NBEA: variants seen among roughly 807,000 people sequenced by gnomAD.
NBEA encodes lysosomal-trafficking regulator 2.
In NBEA, 44 loss-of-function variants were observed where a neutral mutation model predicts 343.4. The ratio of observed to expected loss-of-function variants is 0.13; its 90% CI spans 0.10 to 0.16. The LOEUF is 0.16. Ranked by LOEUF, NBEA falls within the 10% of genes least tolerant of loss-of-function variation. The pLI, the probability that NBEA is intolerant of heterozygous loss-of-function variation, is 1.00. For missense variants in NBEA, 2,555 were observed against 3,631.3 expected, an observed-to-expected ratio of 0.70 and a Z score of 7.62; for synonymous variants, 1,175 against 1,238.7, an observed-to-expected ratio of 0.95 and a Z score of 1.08.
intron 38 of NBEA, among the ~76,000 whole-genome samples, chr13:35,423,582 G>A (rs1321518831): frequency 2.0e-5 from 3 of 152,102 alleles, no homozygotes; most frequent in East Asian, 1.9e-4. Flanking sequence ...GTCAGGTAGC[G>A]TGATGCCTCC....
At chr13:35,390,545 G>C (rs1008373250) in intron 38 of NBEA, among the ~76,000 whole-genome samples, 1 of 152,154 alleles carries the variant, frequency 6.6e-6, no homozygotes, top group Non-Finnish European at 1.5e-5. Flanking sequence ...TCTGTCAGAG[G>C]TGTCAGGGCT....
At chr13:35,336,303 A>ACACAC (rs2039255091) in intron 36 of NBEA, among the ~76,000 whole-genome samples, 10 of 152,258 alleles carry the variant, frequency 6.6e-5, no homozygotes, top group African/African-American at 2.4e-4. Flanking sequence ...CACACACAGC[A>ACACAC]AAAAACCAAA....
rs561557907 is a variant in NBEA, at chr13:35,441,117, A to G, written c.6304+8724A>G. Among the ~76,000 whole-genome samples, 158 of 152,180 alleles carry G rather than the reference A, an allele frequency of 1.0e-3. 1 individual carries two copies. The highest frequency in any genetic ancestry group is 3.7e-3 in the African/African-American group (154 of 41,520). On this transcript the variant is annotated intron_variant, in intron 39 of 58. Transcript: ENST00000379939. ...ACTTTTAAAATTTTCTCTTCCTTCC[A>G]TGTCTCTGGGCCAATTGTTTGCCTG...
At chr13:35,472,264 A>G in intron 40 of NBEA, 136 bp from the exon 41 acceptor site, 1 of 851,496 alleles carries the variant, frequency 1.2e-6, no homozygotes, top group Non-Finnish European at 1.7e-6. Context: ...CTTACGTGAA[A>G]AAAGAGTTTG....
At chr13:34,981,959 C>G (rs1400651084) in intron 1 of NBEA, among the ~76,000 whole-genome samples, 3 of 151,354 alleles carry the variant, frequency 2.0e-5, no homozygotes, top group Non-Finnish European at 4.4e-5. Context: ...TCTCTTCTCT[C>G]TCTCTCTCTC....
At chr13:34,948,220 T>C (rs1459883018) in intron 1 of NBEA, among the ~76,000 whole-genome samples, 1 of 152,184 alleles carries the variant, frequency 6.6e-6, no homozygotes, top group Non-Finnish European at 1.5e-5. Context: ...GTAGTTCAGC[T>C]GGTTTAGGTG....
At chr13:35,558,977 G>A (rs192137002) in intron 44 of NBEA, among the ~76,000 whole-genome samples, 8 of 152,216 alleles carry the variant, frequency 5.3e-5, no homozygotes, top group South Asian at 2.1e-4. Flanking sequence ...AAAATAAACC[G>A]TAATAAGTAG....
intron 17 of NBEA, among the ~76,000 whole-genome samples, chr13:35,133,923 A>G (rs1011181792): frequency 9.2e-5 from 14 of 151,908 alleles, no homozygotes; most frequent in African/African-American, 3.4e-4. Context: ...AATATTTATT[A>G]TGTTTAAAAA....
At chr13:35,254,742 A>G (rs1316088450) in intron 34 of NBEA, among the ~76,000 whole-genome samples, 2 of 152,128 alleles carry the variant, frequency 1.3e-5, no homozygotes, top group African/African-American at 4.8e-5. Context: ...CTGGAATACT[A>G]TTTTTAGTTC....
chr13:35,217,684 C>G (rs7988344), intron 33 of NBEA, among the ~76,000 whole-genome samples: 201 of 151,934 alleles, frequency 1.3e-3, no homozygotes, highest in African/African-American at 4.7e-3. Context: ...AGAGGCCTCT[C>G]TTCTTGGATT....
chr13:35,560,536 G>A (rs1339187563), intron 44 of NBEA, among the ~76,000 whole-genome samples: 1 of 152,122 alleles, frequency 6.6e-6, no homozygotes, highest in Non-Finnish European at 1.5e-5. Flanking sequence ...TTTGCTTGAG[G>A]ATTTTTATTG....
chr13:35,404,675 G>A (rs2043178631), intron 38 of NBEA, among the ~76,000 whole-genome samples: 1 of 149,992 alleles, frequency 6.7e-6, no homozygotes, highest in Admixed American at 6.7e-5. Flanking sequence ...AATGGGTGCA[G>A]CACACCAGCA....
intron 1 of NBEA, among the ~76,000 whole-genome samples, chr13:34,998,446 A>T (rs547348758): frequency 2.0e-5 from 3 of 152,304 alleles, no homozygotes; most frequent in Non-Finnish European, 4.4e-5. Context: ...CCTCATCCTA[A>T]TAAGCCTGGG....
intron 41 of NBEA, among the ~76,000 whole-genome samples, chr13:35,545,152 A>G (rs1220257360): frequency 1.3e-5 from 2 of 152,254 alleles, no homozygotes; most frequent in Non-Finnish European, 2.9e-5. Context: ...ATTTTATAGT[A>G]TCAGGCCATA....
chr13:35,571,948 G>T (rs1046947016), intron 45 of NBEA, among the ~76,000 whole-genome samples: 2 of 151,634 alleles, frequency 1.3e-5, no homozygotes, highest in Admixed American at 1.3e-4. Flanking sequence ...GAGCACAGGA[G>T]CAAAAAAAAA....
intron 1 of NBEA, among the ~76,000 whole-genome samples, chr13:35,016,200 A>G (rs900259331): frequency 6.6e-6 from 1 of 152,082 alleles, no homozygotes; most frequent in Non-Finnish European, 1.5e-5. Flanking sequence ...CTTTGTAATT[A>G]TATTCTATAA....
At chr13:35,573,945 T>G (rs1031469936) in intron 45 of NBEA, among the ~76,000 whole-genome samples, 7 of 152,176 alleles carry the variant, frequency 4.6e-5, no homozygotes, top group African/African-American at 1.7e-4. Context: ...AGAAGTGATC[T>G]TGAAACTAAT....
intron 41 of NBEA, among the ~76,000 whole-genome samples, chr13:35,495,542 AG>A (rs2076646327): frequency 1.3e-5 from 2 of 152,126 alleles, no homozygotes; most frequent in South Asian, 4.1e-4. Context: ...TCATAAATTG[AG>A]GAGTGTATTT....
intron 8 of NBEA, among the ~76,000 whole-genome samples, chr13:35,060,103 G>GT (rs960678729): frequency 7.3e-5 from 11 of 151,680 alleles, no homozygotes; most frequent in Non-Finnish European, 1.3e-4. Flanking sequence ...AGTTCTTTGA[G>GT]TTTTTTCATA....
Sources: gnomAD v4.1 joint callset for allele counts (sites outside exome capture counted in the v4.1 genomes callset) on GRCh38, gnomAD v4.1.1 for gene constraint, MANE v1.5 for transcripts, NCBI Gene and HGNC (gene_info 2026-07-23, HGNC 2026-07-21) for gene names.